Variants in IDI1 observed in about 807,000 individuals in gnomAD.
IDI1 encodes isopentenyl-diphosphate delta isomerase 1.
In IDI1, 23 loss-of-function variants were observed where a neutral mutation model predicts 32.9. The ratio of observed to expected loss-of-function variants is 0.70; its 90% CI spans 0.50 to 0.99. The LOEUF (loss-of-function observed/expected upper bound fraction) is 0.99. Among genes scored for constraint, IDI1 ranks in the 50% least tolerant of loss-of-function variants. The pLI is 0.00. For synonymous variants in IDI1, 133 were observed against 128.2 expected (o/e 1.04, Z -0.25); for missense variants, 326 against 351.9 (o/e 0.93, Z 0.59).
Position 1,041,207 on chromosome 10 carries a change from C to T in IDI1, c.835G>A (p.Glu279Lys), listed in dbSNP as rs929229161. ...CATATTCACATTCTGTATATTTTCTCATGGTCAACAAACTGATTCAAATGA... is the reference window on the plus strand; with the variant it reads ...CATATTCACATTCTGTATATTTTCTTATGGTCAACAAACTGATTCAAATGA... The part of the protein sequence containing the change: ...LNHLNQFVDH[E>K]KIYRM The change falls in exon 5 of 5, where the codon GAG (glutamate) becomes AAG (lysine). Residue 279 changes from glutamate (E) to lysine (K), a missense_variant. Transcript: ENST00000381344. 1.2e-6 allele frequency: 2 copies of T among 1,601,694 alleles called. No homozygotes were observed. Among genetic ancestry groups the T allele is most frequent in the Non-Finnish European group, 1.7e-6 (2 of 1,171,018 alleles).
intron 1 of IDI1, among the ~76,000 whole-genome samples, chr10:1,047,717 C>G (rs905856971): frequency 6.6e-6 from 1 of 152,392 alleles, no homozygotes; most frequent in Non-Finnish European, 1.5e-5. Context: ...AAGTACCTAA[C>G]AATGAACTTC....
chr10:1,048,205 G>A (rs1832858574), intron 1 of IDI1: 1 of 1,280,366 alleles, frequency 7.8e-7, no homozygotes, highest in Non-Finnish European at 1.0e-6. Context: ...AGATTTTAAA[G>A]CTAAGCTGCA....
upstream of IDI1, chr10:1,049,616 C>T (rs1339939632): frequency 2.0e-5 from 3 of 153,426 alleles, no homozygotes; most frequent in South Asian, 1.8e-4. Context: ...GTGTTCCACG[C>T]TATGTTGGGA....
rs200890287 is a variant in IDI1 at position 1,044,108 on chromosome 10, C to T, written c.204G>A (p.Lys68=). ...MPEINTNHLD[K]QQVQLLAEMC... ...TCTCTGCCAGGAGTTGAACCTGTTG[C>T]TTGTCGAGGTGGTTAGTGTTTATTT... The change falls in exon 2 of 5, where the codon AAG becomes AAA. Residue 68 remains lysine, a synonymous_variant. Coordinates refer to ENST00000381344, the MANE Select transcript of IDI1 (RefSeq NM_004508.4). The T allele has an allele frequency of 3.5e-5, 56 of 1,613,608 alleles. No individual in the cohort carries two copies. Among genetic ancestry groups the T allele is most frequent in the Non-Finnish European group, 4.4e-5 (52 of 1,179,680 alleles).
rs975406739 is a variant in IDI1 at position 1,049,059 on chromosome 10, C to T, written c.-56G>A. 3 of 1,444,562 alleles carry T rather than the reference C, an allele frequency of 2.1e-6. No individual in the cohort carries two copies. The highest frequency in any genetic ancestry group is 2.7e-5 in the Admixed American group (1 of 37,170). 89.5% of individuals were successfully genotyped at this position (1,444,562 alleles called of 1,614,324 possible). On this transcript the variant is annotated 5_prime_UTR_variant, in exon 1 of 5. Coordinates refer to ENST00000381344, the MANE Select transcript of IDI1 (RefSeq NM_004508.4). ...GACGACACAATCTCGCCAAGCTTCG[C>T]CTGGTGGTGCCACCTCCCTGGCCTG...
chr10:1,042,569 T>G (rs1204257753), intron 4 of IDI1, 63 bp downstream of exon 4: 1 of 1,568,792 alleles, frequency 6.4e-7, no homozygotes, highest in Non-Finnish European at 8.8e-7. Context: ...AAAATTTTAT[T>G]AAAAACCTTT....
At chr10:1,044,222 G>T in intron 1 of IDI1, 51 bp from the exon 2 acceptor site, 1 of 1,416,366 alleles carries the variant, frequency 7.1e-7, no homozygotes, top group Non-Finnish European at 9.9e-7. Context: ...TTTTCTGAAT[G>T]TCATATAAAC....
chr10:1,049,633 G>C (rs1832937635), upstream of IDI1: 1 of 152,082 alleles, frequency 6.6e-6, no homozygotes, highest in Non-Finnish European at 1.5e-5. Context: ...GGGAGTGTTC[G>C]CTTTCGAGGT....
chr10:1,053,529 T>G (rs1833067231), upstream of IDI1, among the ~76,000 whole-genome samples: 1 of 152,208 alleles, frequency 6.6e-6, no homozygotes. Flanking sequence ...AGCTGTTTTA[T>G]TTTCTTACCA....
upstream of IDI1, among the ~76,000 whole-genome samples, chr10:1,052,051 T>G (rs868342745): frequency 6.6e-6 from 1 of 152,220 alleles, no homozygotes; most frequent in South Asian, 2.1e-4. Context: ...TTTTGTATTA[T>G]TAGTAGAGCT....
At chr10:1,042,221 A>G (rs1832620808) in intron 4 of IDI1, among the ~76,000 whole-genome samples, 1 of 152,222 alleles carries the variant, frequency 6.6e-6, no homozygotes, top group Admixed American at 6.5e-5. Flanking sequence ...AAATGATTTC[A>G]ATTAAACCAA....
the IDI1 span, chr10:1,056,353 G>A: frequency 1.3e-5 from 2 of 152,258 alleles, no homozygotes; most frequent in Non-Finnish European, 2.9e-5. Flanking sequence ...CCCAGCCAAT[G>A]GTGATCAAAA....
chr10:1,044,663 G>A (rs11250239), intron 1 of IDI1, among the ~76,000 whole-genome samples: 16 of 152,044 alleles, frequency 1.1e-4, no homozygotes, highest in African/African-American at 3.6e-4. Context: ...GGCACAACTC[G>A]TGCCAGACAT....
Position 1,040,154 on chromosome 10 carries a change from C to T in IDI1, c.*1033G>A, listed in dbSNP as rs1832512855. 2 of 152,286 alleles carry T rather than the reference C, an allele frequency of 1.3e-5. No individual in the cohort carries two copies. Among genetic ancestry groups the T allele is most frequent in the Non-Finnish European group, 2.9e-5 (2 of 68,028 alleles). 9.4% of individuals were successfully genotyped at this position (152,286 alleles called of 1,614,324 possible). ...TATAAAAAGTACATTGATCAAGGTA[C>T]AATTTTTAACATTAATATACACATT... On this transcript the variant is annotated 3_prime_UTR_variant, in exon 5 of 5. Transcript: ENST00000381344.
chr10:1,051,130 A>G (rs1833001224), upstream of IDI1, among the ~76,000 whole-genome samples: 1 of 152,218 alleles, frequency 6.6e-6, no homozygotes, highest in African/African-American at 2.4e-5. Context: ...AATGTCATGC[A>G]TTGGTCATTT....
rs759307357 is a variant in IDI1 at position 1,048,890 on chromosome 10, C to T, written c.114G>A (p.Ala38=). 1.1e-5 allele frequency: 17 copies of T among 1,607,312 alleles called. No homozygotes were observed. The highest frequency in any genetic ancestry group is 5.4e-5 in the African/African-American group (4 of 74,104). The change falls in exon 1 of 5, where the codon GCG becomes GCA. Residue 38 remains alanine (A), a synonymous_variant. Transcript: ENST00000381344. ...TGATCAGCCTCCGGCCACAGACAAC[C>T]GCCGGTCCCGGATGGCGCCCGCTTT... ...CAQSGRHPGP[A]VVCGRRLISV...
intron 1 of IDI1, chr10:1,048,389 C>T: frequency 7.7e-7 from 1 of 1,304,930 alleles, no homozygotes; most frequent in Admixed American, 2.3e-5. Context: ...TTGCTGTCAC[C>T]CTCTTGCACG....
chr10:1,047,758 C>T (rs964422047), intron 1 of IDI1, among the ~76,000 whole-genome samples: 5 of 152,224 alleles, frequency 3.3e-5, no homozygotes, highest in Non-Finnish European at 7.3e-5. Flanking sequence ...TGATGCGGGC[C>T]GAACGTTAAA....
chr10:1,041,422 T>TTA lies in IDI1; in HGVS notation c.619_620insTA (p.Asp207ValfsTer7), dbSNP rs771466184. On this transcript the variant is annotated frameshift_variant, in exon 5 of 5. Transcript: ENST00000381344. LOFTEE classifies it high-confidence loss of function. ...ATTCTTCCTCACCAACAAAATGTAA[T>TTA]CAATTTCATGTTCACCCCAGATACC... is the stretch of plus-strand genomic sequence containing the variant. 1 of 1,610,570 alleles carries TTA rather than the reference T, an allele frequency of 6.2e-7. No homozygotes were observed. The highest frequency in any genetic ancestry group is 8.5e-7 in the Non-Finnish European group (1 of 1,176,976).
Sources: allele counts gnomAD v4.1 joint callset (sites outside exome capture counted in the v4.1 genomes callset), GRCh38; gene constraint gnomAD v4.1.1; transcripts MANE v1.5; gene names NCBI Gene and HGNC (gene_info 2026-07-23, HGNC 2026-07-21).